Variants in GRID2 observed in about 807,000 individuals in gnomAD.
GRID2 encodes the protein glutamate receptor ionotropic, delta-2.
A neutral mutation model predicts 114.8 loss-of-function variants in GRID2; 33 were observed. The ratio of observed to expected loss-of-function variants is 0.29; its 90% CI spans 0.22 to 0.38. GRID2 has a LOEUF of 0.38. GRID2 is among the 10% of genes least tolerant of loss of function. The probability of loss-of-function intolerance (pLI) is 1.00; values close to 1 mark genes in which losing one functional copy is unlikely to be tolerated. For synonymous variants in GRID2, 505 were observed against 449.9 expected, an observed-to-expected ratio of 1.12 and a Z score of -1.55; for missense variants, 1,184 against 1,257.7, an observed-to-expected ratio of 0.94 and a Z score of 0.89.
chr4:93,810,433 G>A (rs1372118636), downstream of GRID2, among the ~76,000 whole-genome samples: 1 of 151,852 alleles, frequency 6.6e-6, no homozygotes, highest in Admixed American at 6.6e-5. Flanking sequence ...GATTAAAGTT[G>A]GTAATAAAAA....
chr4:93,703,159 C>T (rs1420383488), intron 14 of GRID2, among the ~76,000 whole-genome samples: 2 of 151,616 alleles, frequency 1.3e-5, no homozygotes, highest in Non-Finnish European at 2.9e-5. Flanking sequence ...GTTAATTTAC[C>T]GTTTGTGTTG....
chr4:92,792,456 A>AACACACACACACACACACACAC (rs35204445), intron 2 of GRID2, among the ~76,000 whole-genome samples: 6 of 136,116 alleles, frequency 4.4e-5, no homozygotes, highest in African/African-American at 1.7e-4. Context: ...CAGGCAAGAG[A>AACACACACACACACACACACAC]ACACACACAC....
At chr4:92,543,359 A>C (rs1422209455) in intron 1 of GRID2, among the ~76,000 whole-genome samples, 1 of 152,184 alleles carries the variant, frequency 6.6e-6, no homozygotes, top group Non-Finnish European at 1.5e-5. Flanking sequence ...ACTATAGCAC[A>C]TAATATTAAA....
intron 1 of GRID2, among the ~76,000 whole-genome samples, chr4:92,450,082 G>A (rs1044133531): frequency 1.3e-5 from 2 of 151,874 alleles, no homozygotes; most frequent in South Asian, 2.1e-4. Context: ...TGCTAAGTTT[G>A]GTCACTGTTC....
At chr4:93,412,236 C>CG (rs1237494195) in intron 9 of GRID2, among the ~76,000 whole-genome samples, 1 of 150,946 alleles carries the variant, frequency 6.6e-6, no homozygotes, top group African/African-American at 2.4e-5. Context: ...CCATCCCCCC[C>CG]CCCCAAAAAA....
chr4:92,676,651 T>C (rs1269834540), intron 2 of GRID2, among the ~76,000 whole-genome samples: 2 of 152,174 alleles, frequency 1.3e-5, no homozygotes, highest in South Asian at 2.1e-4. Context: ...CCATATTCCC[T>C]ACATATTTTT....
chr4:93,780,870 G>A (rs1164681840), intron 1 of GRID2, among the ~76,000 whole-genome samples: 1 of 152,172 alleles, frequency 6.6e-6, no homozygotes, highest in Admixed American at 6.5e-5. Context: ...ATGAAATGAA[G>A]AAGAAAAAGA....
chr4:93,592,719 T>G (rs1738524686), intron 13 of GRID2, among the ~76,000 whole-genome samples: 1 of 152,162 alleles, frequency 6.6e-6, no homozygotes. Flanking sequence ...ACTCAGGACT[T>G]GCTTTATGAA....
intron 2 of GRID2, among the ~76,000 whole-genome samples, chr4:93,060,005 C>G (rs553491213): frequency 3.3e-5 from 5 of 151,902 alleles, no homozygotes; most frequent in Admixed American, 1.3e-4. Flanking sequence ...TTAATGTACT[C>G]CTTTCTCAGA....
At chr4:92,495,224 C>T (rs899162762) in intron 1 of GRID2, among the ~76,000 whole-genome samples, 3 of 151,970 alleles carry the variant, frequency 2.0e-5, no homozygotes, top group African/African-American at 7.2e-5. Flanking sequence ...ACATTTCAAG[C>T]TCCCTGTGTT....
At chr4:93,378,584 A>G (rs1763578046) in intron 8 of GRID2, among the ~76,000 whole-genome samples, 1 of 152,070 alleles carries the variant, frequency 6.6e-6, no homozygotes, top group Non-Finnish European at 1.5e-5. Flanking sequence ...AACTTTATAA[A>G]CACCTGTGAT....
At chr4:93,038,394 A>G (rs1308414730) in intron 2 of GRID2, among the ~76,000 whole-genome samples, 1 of 152,208 alleles carries the variant, frequency 6.6e-6, no homozygotes, top group Non-Finnish European at 1.5e-5. Context: ...TGTAGCCAAC[A>G]AACATATGAA....
At chr4:92,340,626 T>C (rs1727433253) in intron 1 of GRID2, among the ~76,000 whole-genome samples, 2 of 152,222 alleles carry the variant, frequency 1.3e-5, no homozygotes, top group Non-Finnish European at 2.9e-5. Context: ...TAAATAGTTC[T>C]CTGAGAAGTG....
chr4:92,506,622 G>A (rs892756274), intron 1 of GRID2, among the ~76,000 whole-genome samples: 2 of 151,802 alleles, frequency 1.3e-5, no homozygotes, highest in Non-Finnish European at 2.9e-5. Flanking sequence ...ATTAGATTAA[G>A]AGAAAATGAT....
At chr4:92,734,198 A>T (rs1271073150) in intron 2 of GRID2, among the ~76,000 whole-genome samples, 4 of 152,182 alleles carry the variant, frequency 2.6e-5, no homozygotes, top group Non-Finnish European at 4.4e-5. Context: ...AAATAAATGA[A>T]CTGAATTTAA....
intron 2 of GRID2, among the ~76,000 whole-genome samples, chr4:92,849,171 T>TG (rs1560636899): frequency 6.6e-6 from 1 of 151,954 alleles, no homozygotes; most frequent in East Asian, 1.9e-4. Context: ...TTGATGATGA[T>TG]GAAAAAGAGG....
At chr4:93,389,708 C>A (rs1764657219) in intron 8 of GRID2, among the ~76,000 whole-genome samples, 1 of 151,884 alleles carries the variant, frequency 6.6e-6, no homozygotes, top group South Asian at 2.1e-4. Context: ...GGAAACCAGT[C>A]AAAATAATGA....
At chr4:92,923,257 T>A (rs1157301088) in intron 2 of GRID2, among the ~76,000 whole-genome samples, 1 of 152,216 alleles carries the variant, frequency 6.6e-6, no homozygotes, top group South Asian at 2.1e-4. Flanking sequence ...GTAAGTTTTT[T>A]ATCATTTTTG....
chr4:92,679,276 C>A (rs1162158227), intron 2 of GRID2, among the ~76,000 whole-genome samples: 1 of 151,900 alleles, frequency 6.6e-6, no homozygotes, highest in Non-Finnish European at 1.5e-5. Context: ...TTAATCTGTG[C>A]ACAGAGAACA....
Sources: gnomAD v4.1 joint callset for allele counts (sites outside exome capture counted in the v4.1 genomes callset) on GRCh38, gnomAD v4.1.1 for gene constraint, MANE v1.5 for transcripts, NCBI Gene and HGNC (gene_info 2026-07-23, HGNC 2026-07-21) for gene names.